The following SETD5 variants were observed in gnomAD, a reference collection of about 807,000 sequenced individuals.
SETD5 encodes histone-lysine N-methyltransferase SETD5.
A neutral mutation model predicts 153.3 loss-of-function variants in SETD5; 44 were observed. That is an observed-to-expected ratio of 0.29 (90% CI 0.23 to 0.37). The LOEUF is 0.37. Ranked by LOEUF, SETD5 falls within the 10% of genes least tolerant of loss-of-function variation. The pLI is 1.00. For missense variants in SETD5, 1,544 were observed against 1,768.0 expected, an observed-to-expected ratio of 0.87 and a Z score of 2.27; for synonymous variants, 716 against 645.2, an observed-to-expected ratio of 1.11 and a Z score of -1.66.
chr3:9,408,096 T>C (rs952872338), intron 1 of SETD5, among the ~76,000 whole-genome samples: 4 of 152,196 alleles, frequency 2.6e-5, no homozygotes, highest in Non-Finnish European at 5.9e-5. Context: ...TAATTAGTAA[T>C]AGCACCCGTT....
chr3:9,441,632 A>C lies in SETD5; in HGVS notation c.850A>C (p.Lys284Gln). Residue 284 changes from lysine (K) to glutamine (Q), a missense_variant, in exon 9 of 23, where the codon AAG becomes CAG. By Grantham distance (53) the Lys-to-Gln change is moderately conservative (BLOSUM62 1). Around this residue, in one of 9 missense-constraint regions of SETD5, gnomAD observed 30 missense variants for 66.0 expected, o/e 0.45. Coordinates refer to ENST00000402198, the MANE Select transcript of SETD5 (RefSeq NM_001080517.3). ...GRVTRVQKHRKILRAARDLAL... is the reference protein window; with the variant it reads ...GRVTRVQKHRQILRAARDLAL... ...AGTCACTCGTGTTCAAAAGCACCGG[A>C]AGATCCTGAGGGCTGCAAGAGATTT... 2 of 1,614,008 alleles carry C rather than the reference A, an allele frequency of 1.2e-6. No homozygotes were observed. The highest frequency in any genetic ancestry group is 1.7e-6 in the Non-Finnish European group (2 of 1,179,878).
In SETD5 at chr3:9,434,193, T is replaced by C; in HGVS notation, c.178-141T>C. 6.5e-7 allele frequency: 1 copy of C among 1,550,108 alleles called. No individual in the cohort carries two copies. Among genetic ancestry groups the C allele is most frequent in the Non-Finnish European group, 8.7e-7 (1 of 1,144,306 alleles). On this transcript the variant is annotated intron_variant, in intron 4 of 22. Coordinates refer to ENST00000402198, the MANE Select transcript of SETD5 (RefSeq NM_001080517.3). This position sits in a 1 kb window ranked among gnomAD's most constrained non-coding sequence, Gnocchi z 5.6. Reference sequence around the variant, plus strand: ...CCAAAAAACAAAGGGTACTACTTTCTTCTTTCTTTCCATATGTACCATACT... The same window carrying C: ...CCAAAAAACAAAGGGTACTACTTTCCTCTTTCTTTCCATATGTACCATACT...
chr3:9,400,450 T>G (rs1025901177), intron 1 of SETD5, among the ~76,000 whole-genome samples: 2 of 152,232 alleles, frequency 1.3e-5, no homozygotes, highest in Non-Finnish European at 2.9e-5. Flanking sequence ...AATCATAGAA[T>G]CAATTCTTAT....
chr3:9,428,988 C>T lies in SETD5; in HGVS notation c.50C>T (p.Ser17Leu). Residue 17 changes from serine to leucine, a missense_variant, in exon 3 of 23, where the codon TCA becomes TTA. Coordinates refer to ENST00000402198, the MANE Select transcript of SETD5 (RefSeq NM_001080517.3). ...GTCACCACATCAGATACATCCTACT[C>T]AGATATGGCTGCTGGATCAGAGTAA... is the stretch of plus-strand genomic sequence containing the variant. ...LGVTTSDTSY[S>L]DMAAGSDPES... is the part of the protein sequence containing the mutation. The T allele has an allele frequency of 6.2e-7, 1 of 1,613,080 alleles. No homozygotes were observed. Among genetic ancestry groups the T allele is most frequent in the South Asian group, 1.1e-5 (1 of 90,912 alleles).
intron 1 of SETD5, among the ~76,000 whole-genome samples, chr3:9,418,523 CA>C (rs1212985302): frequency 6.6e-6 from 1 of 152,124 alleles, no homozygotes; most frequent in African/African-American, 2.4e-5. Context: ...AAGAACTTTA[CA>C]GGACATCCAG....
rs949917821 is a variant in SETD5, at chr3:9,453,888, C to T, written c.2476+20C>T. Reference sequence around the variant, plus strand: ...ATGCAGGTACGTATCTAAAACCTTTCTGATTATATGACCAATGATTGTTTC... The same window carrying T: ...ATGCAGGTACGTATCTAAAACCTTTTTGATTATATGACCAATGATTGTTTC... On this transcript the variant is annotated intron_variant, in intron 17 of 22. Coordinates refer to ENST00000402198, the MANE Select transcript of SETD5 (RefSeq NM_001080517.3). 8 of 1,516,874 alleles carry T rather than the reference C, an allele frequency of 5.3e-6. No individual in the cohort carries two copies. Among genetic ancestry groups the T allele is most frequent in the Non-Finnish European group, 7.0e-6 (8 of 1,136,382 alleles). The allele number at this position is 1,516,874 out of a possible 1,614,324, so 94.0% of individuals were successfully genotyped here. A position where few individuals can be genotyped will look rare whatever the true frequency, so the allele number is the denominator to read the frequency against.
chr3:9,445,965 GTTTTTTTTT>G (rs376821559), intron 13 of SETD5, among the ~76,000 whole-genome samples: 6 of 86,462 alleles, frequency 6.9e-5, no homozygotes, highest in African/African-American at 2.8e-4. Context: ...TGAAGAGGTT[GTTTTTTTTT>G]TTTTTTTTTT....
At chr3:9,473,184 A>C in intron 19 of SETD5, 52 bp from the exon 20 acceptor site, 1 of 1,559,028 alleles carries the variant, frequency 6.4e-7, no homozygotes, top group African/African-American at 1.4e-5. Flanking sequence ...TGATCCACTA[A>C]TGATATCCAG....
Position 9,434,199 on chromosome 3 carries a change from C to G in SETD5, c.178-135C>G, listed in dbSNP as rs1354549902. The G allele has an allele frequency of 6.5e-7, 1 of 1,549,956 alleles. No individual in the cohort carries two copies. The highest frequency in any genetic ancestry group is 2.4e-5 in the East Asian group (1 of 41,290). ...AACAAAGGGTACTACTTTCTTCTTT[C>G]TTTCCATATGTACCATACTTTAGGG... On this transcript the variant is annotated intron_variant, in intron 4 of 22. Coordinates refer to ENST00000402198, the MANE Select transcript of SETD5 (RefSeq NM_001080517.3). The surrounding 1 kb of genome is among the most constrained non-coding windows in gnomAD (Gnocchi z 5.6).
intron 18 of SETD5, among the ~76,000 whole-genome samples, chr3:9,465,899 T>C (rs17050373): frequency 0.012 from 1,793 of 152,276 alleles, 13 homozygotes; most frequent in South Asian, 0.034. Flanking sequence ...TATAGTAAGG[T>C]ATCATGAGAG....
At position 9,470,428 on chromosome 3, in the gene SETD5, C is replaced by T. The variant is rs779844415; in HGVS notation, c.2725-31C>T. On this transcript the variant is annotated intron_variant, in intron 18 of 22. Coordinates refer to ENST00000402198, the MANE Select transcript of SETD5 (RefSeq NM_001080517.3). ...TTTGACTTTTTCCTTTCTCCCCTACCCCATGTCTCCGTTGATTTTTATTCT... is the reference window on the plus strand; with the variant it reads ...TTTGACTTTTTCCTTTCTCCCCTACTCCATGTCTCCGTTGATTTTTATTCT... The T allele has an allele frequency of 2.6e-6, 4 of 1,562,818 alleles. No individual in the cohort carries two copies. The East Asian group carries it at 9.0e-5, about 35-fold the overall frequency.
intron 12 of SETD5, 119 bp from the exon 13 acceptor site, chr3:9,445,538 C>T: frequency 1.1e-6 from 1 of 939,926 alleles, no homozygotes; most frequent in Non-Finnish European, 1.6e-6. Flanking sequence ...TGTGGCCTCA[C>T]ATGAGTTAAC....
chr3:9,398,148 C>G (rs984719723), intron 1 of SETD5, among the ~76,000 whole-genome samples, 171 bp downstream of exon 1: 2 of 151,614 alleles, frequency 1.3e-5, no homozygotes, highest in African/African-American at 4.8e-5. Flanking sequence ...TTGCACACAC[C>G]GTTGCAACAC....
In SETD5 at chr3:9,477,595, GCA is replaced by G. The variant is rs531876765; in HGVS notation, c.*1507_*1508del. 1 of 151,486 alleles carries G rather than the reference GCA, an allele frequency of 6.6e-6. No homozygotes were observed. The highest frequency in any genetic ancestry group is 1.5e-5 in the Non-Finnish European group (1 of 67,942). 9.4% of individuals were successfully genotyped at this position (151,486 alleles called of 1,614,324 possible). A position where few individuals can be genotyped will look rare whatever the true frequency, so the allele number is the denominator to read the frequency against. On this transcript the variant is annotated 3_prime_UTR_variant, in exon 23 of 23. Transcript: ENST00000402198. ...CTACCCTGTCCTACAACTATCATATGCACAGTCTTCTCTCTTTGTGTGTGACT... is the reference window on the plus strand; with the variant it reads ...CTACCCTGTCCTACAACTATCATATGCAGTCTTCTCTCTTTGTGTGTGACT...
In SETD5 at chr3:9,413,649, G is replaced by GGGTGT. The variant is rs200761097; in HGVS notation, c.-176-10817_-176-10816insGTGTG. Among the ~76,000 whole-genome samples the GGGTGT allele has an allele frequency of 6.8e-3, 948 of 140,432 alleles. 11 individuals are homozygous for GGGTGT. Among genetic ancestry groups the GGGTGT allele is most frequent in the Non-Finnish European group, 8.8e-3 (568 of 64,734 alleles). The allele number at this position is 140,432 out of a possible 152,430, so 92.1% of individuals were successfully genotyped here. On this transcript the variant is annotated intron_variant, in intron 1 of 22. Transcript: ENST00000402198. The stretch of plus-strand genomic sequence containing the variant: ...AGCTTCTTCGGGTGGGGGGAGGCGG[G>GGGTGT]GTGTGTGTGTGTGTGTGTGTGTGTG...
intron 18 of SETD5, among the ~76,000 whole-genome samples, chr3:9,467,126 G>A (rs1425463894): frequency 6.7e-6 from 1 of 148,842 alleles, no homozygotes; most frequent in Non-Finnish European, 1.5e-5. Context: ...TTGAGCCTGG[G>A]AGGTTGCAGG....
Position 9,470,641 on chromosome 3 carries a change from C to T in SETD5, c.2907C>T (p.Leu969=), listed in dbSNP as rs762853738. 1.6e-5 allele frequency: 26 copies of T among 1,613,856 alleles called. No homozygotes were observed. The highest frequency in any genetic ancestry group is 1.9e-5 in the Non-Finnish European group (23 of 1,179,894). Residue 969 remains leucine, a synonymous_variant, in exon 19 of 23, where the codon CTC becomes CTT. Coordinates refer to ENST00000402198, the MANE Select transcript of SETD5 (RefSeq NM_001080517.3). Reference sequence around the variant, plus strand: ...GAAGTGGAGATGGACATCAGACCCTCGTGAGAAACTCAGACCAGGCATTTC... The same window carrying T: ...GAAGTGGAGATGGACATCAGACCCTTGTGAGAAACTCAGACCAGGCATTTC... The part of the protein sequence containing the change: ...PSRSGDGHQT[L]VRNSDQAFRT...
In SETD5 at chr3:9,443,638, CAG is replaced by C. The variant is rs77785239; in HGVS notation, c.1187+223_1187+224del. Reference sequence around the variant, plus strand: ...ATGATACTGCTCACAAATTTCCTGACAGAAGTGTTTTCGCTTATGCCTTTTTA... The same window carrying C: ...ATGATACTGCTCACAAATTTCCTGACAAGTGTTTTCGCTTATGCCTTTTTA... On this transcript the variant is annotated intron_variant, in intron 11 of 22. Transcript: ENST00000402198. 0.12 allele frequency among the ~76,000 whole-genome samples: 17,595 copies of C among 152,188 alleles called. 1,366 individuals carry two copies. Among genetic ancestry groups the C allele is most frequent in the Non-Finnish European group, 0.18 (11,932 of 67,984 alleles).
At chr3:9,444,958 A>T in intron 11 of SETD5, 90 bp from the exon 12 acceptor site, 1 of 1,461,608 alleles carries the variant, frequency 6.8e-7, no homozygotes, top group Non-Finnish European at 9.3e-7. Flanking sequence ...AGAGGAAGTT[A>T]CTGTACTGAT....
Sources: allele counts gnomAD v4.1 joint callset (sites outside exome capture counted in the v4.1 genomes callset), GRCh38; gene constraint gnomAD v4.1.1; regional missense constraint gnomAD v4.1.1; non-coding constraint Gnocchi (gnomAD v3.1); transcripts MANE v1.5; gene names NCBI Gene and HGNC (gene_info 2026-07-23, HGNC 2026-07-21).